The following PRELID2 variants were observed in gnomAD, a reference collection of about 807,000 sequenced individuals.
The protein encoded by PRELID2 is PRELI domain containing 2.
A neutral mutation model predicts 28.4 loss-of-function variants in PRELID2; 25 were observed. That is an observed-to-expected ratio of 0.88 (90% CI 0.64 to 1.23). The LOEUF (loss-of-function observed/expected upper bound fraction) is 1.23, where lower values mean the gene tolerates loss of function less well. Among genes scored for constraint, PRELID2 ranks in the 50% most tolerant of loss-of-function variants. The probability of loss-of-function intolerance (pLI) is 0.00; values close to 1 mark genes in which losing one functional copy is unlikely to be tolerated. For missense variants in PRELID2, 201 were observed against 214.4 expected, an observed-to-expected ratio of 0.94 and a Z score of 0.39; for synonymous variants, 76 against 71.6, an observed-to-expected ratio of 1.06 and a Z score of -0.31.
rs1264294214 is a variant in PRELID2 at position 145,757,828 on chromosome 5, A to G, written c.*2708T>C. On this transcript the variant is annotated 3_prime_UTR_variant, in exon 7 of 7. Transcript: ENST00000683046. ...AAAAAAAGTAAATGAAAAAAAAAAA[A>G]AAAAAGACCATAAAATTTCTAAGCC... Among the ~76,000 whole-genome samples the G allele has an allele frequency of 1.3e-5, 2 of 151,822 alleles. No homozygotes were observed. The highest frequency in any genetic ancestry group is 4.8e-5 in the African/African-American group (2 of 41,358).
intron 1 of PRELID2, among the ~76,000 whole-genome samples, chr5:145,743,724 G>C (rs4587127): frequency 0.84 from 127,388 of 152,108 alleles, 53,621 homozygotes; most frequent in East Asian, 0.96. Context: ...GCTACAGAGG[G>C]CTGGGGTCCC....
At chr5:145,631,437 C>T (rs1243405918) in intron 1 of PRELID2, among the ~76,000 whole-genome samples, 1 of 152,220 alleles carries the variant, frequency 6.6e-6, no homozygotes, top group Non-Finnish European at 1.5e-5. Flanking sequence ...ACCTGATCCT[C>T]AAATTTACAT....
the PRELID2 span, among the ~76,000 whole-genome samples, chr5:145,442,665 G>A: frequency 1.3e-5 from 2 of 152,004 alleles, no homozygotes; most frequent in African/African-American, 2.4e-5. Context: ...GTTGCATGGG[G>A]ATGAAGTAAT....
chr5:145,229,733 G>A, the PRELID2 span: 55 of 753,904 alleles, frequency 7.3e-5, no homozygotes, highest in African/African-American at 8.8e-4. Context: ...ACCGGGAAGT[G>A]CACAAAACCA....
At chr5:145,260,073 C>G in the PRELID2 span, among the ~76,000 whole-genome samples, 1 of 152,140 alleles carries the variant, frequency 6.6e-6, no homozygotes. Flanking sequence ...CTCGCACTCT[C>G]TTTCTTGCTC....
the PRELID2 span, among the ~76,000 whole-genome samples, chr5:145,380,607 AT>A: frequency 2.0e-5 from 3 of 152,202 alleles, no homozygotes; most frequent in African/African-American, 7.2e-5. Context: ...CATTTTACAT[AT>A]TTTTTCTTTT....
At chr5:145,697,471 C>A (rs1305589308) in intron 1 of PRELID2, among the ~76,000 whole-genome samples, 1 of 152,146 alleles carries the variant, frequency 6.6e-6, no homozygotes, top group African/African-American at 2.4e-5. Context: ...GGCCAATTCT[C>A]TCTGCTGCCT....
chr5:145,818,021 C>G lies in PRELID2; in HGVS notation c.241G>C (p.Glu81Gln). 6.2e-7 allele frequency: 1 copy of G among 1,612,716 alleles called. No individual in the cohort carries two copies. The highest frequency in any genetic ancestry group is 1.1e-5 in the South Asian group (1 of 91,024). Residue 81 changes from glutamate to glutamine, a missense_variant, in exon 4 of 7, where the codon GAA becomes CAA. By Grantham distance (29) the Glu-to-Gln change is conservative (BLOSUM62 2). Coordinates refer to ENST00000683046, the MANE Select transcript of PRELID2 (RefSeq NM_205846.3). Reference protein sequence around the residue: ...SILKVPNIQLEEESWLNPRER... With the variant: ...SILKVPNIQLQEESWLNPRER... The stretch of plus-strand genomic sequence containing the variant: ...CGAGGATTGAGCCATGACTCCTCTT[C>G]TAATTGGATATTAGGTACTTTCAAA...
the PRELID2 span, among the ~76,000 whole-genome samples, chr5:145,458,999 CT>C: frequency 6.6e-6 from 1 of 152,238 alleles, no homozygotes; most frequent in African/African-American, 2.4e-5. Context: ...AGTTTTATTT[CT>C]GCTATGAAAC....
the PRELID2 span, among the ~76,000 whole-genome samples, chr5:145,361,934 A>G: frequency 6.6e-6 from 1 of 152,176 alleles, no homozygotes; most frequent in Non-Finnish European, 1.5e-5. Context: ...TTGGCCTTCA[A>G]TGATGCCAGG....
intron 1 of PRELID2, among the ~76,000 whole-genome samples, chr5:145,691,354 G>T (rs58324774): frequency 0.028 from 4,207 of 152,244 alleles, 184 homozygotes; most frequent in African/African-American, 0.092. Context: ...TAGAGCCAAG[G>T]CTAGCCACAA....
intron 1 of PRELID2, among the ~76,000 whole-genome samples, chr5:145,741,676 T>TTATTTATA (rs1402829498): frequency 5.6e-5 from 1 of 17,728 alleles, no homozygotes; most frequent in African/African-American, 2.5e-4. Context: ...TATAAATAAT[T>TTATTTATA]TATAAATAAT....
intron 5 of PRELID2, among the ~76,000 whole-genome samples, chr5:145,773,431 T>C (rs529266114): frequency 6.6e-6 from 1 of 152,220 alleles, no homozygotes; most frequent in Non-Finnish European, 1.5e-5. Context: ...TTTAAAAAAT[T>C]TGACCTGCAT....
chr5:145,642,494 T>G (rs768102283), intron 1 of PRELID2, among the ~76,000 whole-genome samples: 8 of 152,244 alleles, frequency 5.3e-5, no homozygotes, highest in African/African-American at 1.7e-4. Context: ...TAGTTTCTTT[T>G]GCTGTGCAGA....
At chr5:145,316,230 TGTAGA>T in the PRELID2 span, among the ~76,000 whole-genome samples, 1 of 152,196 alleles carries the variant, frequency 6.6e-6, no homozygotes, top group African/African-American at 2.4e-5. Flanking sequence ...ACATTAGTAA[TGTAGA>T]GTAAACTTTA....
At chr5:145,716,728 G>A (rs916538310) in intron 1 of PRELID2, among the ~76,000 whole-genome samples, 4 of 152,040 alleles carry the variant, frequency 2.6e-5, no homozygotes, top group Non-Finnish European at 5.9e-5. Flanking sequence ...CTATGCTACT[G>A]AAGATCTGAA....
intron 1 of PRELID2, among the ~76,000 whole-genome samples, chr5:145,531,097 C>G (rs1752651627): frequency 6.6e-6 from 1 of 152,064 alleles, no homozygotes; most frequent in Admixed American, 6.6e-5. Flanking sequence ...ATATATTCAA[C>G]CCCTGAGAGG....
chr5:145,722,557 G>A (rs1756020189), intron 1 of PRELID2, among the ~76,000 whole-genome samples: 1 of 151,938 alleles, frequency 6.6e-6, no homozygotes. Context: ...GGAATGCAGT[G>A]GCACAATCTT....
At position 145,637,856 on chromosome 5, in the gene PRELID2, GC is replaced by G. The variant is rs556017805; in HGVS notation, n.70+127074del. ...GATGGAGTCTTGCTCTCTCTCCCAG[GC>G]TAGAGTGCAATGGCACGATCTCGGC... On this transcript the variant is annotated intron_variant and non_coding_transcript_variant, in intron 1 of 2. Transcript: ENST00000510259. Among the ~76,000 whole-genome samples the G allele has an allele frequency of 1.4e-3, 202 of 149,548 alleles. 1 individual carries two copies. The highest frequency in any genetic ancestry group is 0.011 in the South Asian group (52 of 4,728).
Sources: gnomAD v4.1 joint callset for allele counts (sites outside exome capture counted in the v4.1 genomes callset) on GRCh38, gnomAD v4.1.1 for gene constraint, MANE v1.5 for transcripts, NCBI Gene and HGNC (gene_info 2026-07-23, HGNC 2026-07-21) for gene names.